The following FSTL4 variants were observed in gnomAD, a reference collection of about 807,000 sequenced individuals.
FSTL4 encodes follistatin like 4.
Under a neutral mutation model 78.2 loss-of-function variants are expected in FSTL4, and 28 were observed. The observed-to-expected ratio is 0.36, with a 90% CI of 0.27 to 0.49. The LOEUF (loss-of-function observed/expected upper bound fraction) is 0.49, where lower values mean the gene tolerates loss of function less well. Among genes scored for constraint, FSTL4 ranks in the 20% least tolerant of loss-of-function variants. The probability of loss-of-function intolerance (pLI) is 0.98; values close to 1 mark genes in which losing one functional copy is unlikely to be tolerated. For synonymous variants in FSTL4, 422 were observed against 440.5 expected (o/e 0.96, Z 0.53); for missense variants, 922 against 1,084.9 (o/e 0.85, Z 2.11).
chr5:133,663,862 T>G, the FSTL4 span, among the ~76,000 whole-genome samples: 1 of 151,814 alleles, frequency 6.6e-6, no homozygotes, highest in Non-Finnish European at 1.5e-5. Context: ...ATCCGGGAGG[T>G]GAGGGGTCTG....
At chr5:133,834,707 A>G in the FSTL4 span, among the ~76,000 whole-genome samples, 1 of 152,188 alleles carries the variant, frequency 6.6e-6, no homozygotes, top group Non-Finnish European at 1.5e-5. Context: ...ATTAAATGGA[A>G]GTAAAAACTA....
At chr5:133,421,546 TGTGCATTCCACGGG>T (rs1297216536) in intron 3 of FSTL4, among the ~76,000 whole-genome samples, 1 of 152,250 alleles carries the variant, frequency 6.6e-6, no homozygotes, top group Admixed American at 6.5e-5. Context: ...GCCCTTGTGG[TGTGCATTCCACGGG>T]GTGGCCATTG....
intron 3 of FSTL4, among the ~76,000 whole-genome samples, chr5:133,424,340 G>A (rs1756760936): frequency 6.6e-6 from 1 of 152,174 alleles, no homozygotes; most frequent in Non-Finnish European, 1.5e-5. Context: ...CATCTCCTGG[G>A]ACCGGCTGAC....
chr5:133,716,032 G>A, the FSTL4 span, among the ~76,000 whole-genome samples: 1 of 152,198 alleles, frequency 6.6e-6, no homozygotes, highest in Non-Finnish European at 1.5e-5. Flanking sequence ...TAGATGTGCA[G>A]CACTGCTAGA....
At chr5:133,405,550 C>T (rs1397009553) in intron 3 of FSTL4, among the ~76,000 whole-genome samples, 3 of 152,216 alleles carry the variant, frequency 2.0e-5, no homozygotes, top group African/African-American at 7.2e-5. Flanking sequence ...TTGGGTTTCT[C>T]AATGACCCAG....
the FSTL4 span, among the ~76,000 whole-genome samples, chr5:133,646,064 A>G: frequency 6.6e-6 from 1 of 152,222 alleles, no homozygotes; most frequent in African/African-American, 2.4e-5. Flanking sequence ...ACCCTCCTAG[A>G]GCATGCAGTC....
At chr5:133,433,128 T>A (rs1349821658) in intron 3 of FSTL4, among the ~76,000 whole-genome samples, 1 of 152,232 alleles carries the variant, frequency 6.6e-6, no homozygotes, top group East Asian at 1.9e-4. Context: ...GCTGTTCTCT[T>A]TTTCAGTGAA....
At chr5:133,520,849 A>T (rs1758965153) in intron 3 of FSTL4, among the ~76,000 whole-genome samples, 1 of 151,600 alleles carries the variant, frequency 6.6e-6, no homozygotes, top group Non-Finnish European at 1.5e-5. Context: ...GATGGGATGG[A>T]GGGGTGGGTC....
the FSTL4 span, among the ~76,000 whole-genome samples, chr5:133,837,558 AG>A: frequency 6.8e-6 from 1 of 147,304 alleles, no homozygotes; most frequent in East Asian, 1.9e-4. Flanking sequence ...TGGCAGTTAG[AG>A]TAGGAAGAGA....
At chr5:133,633,815 G>C in the FSTL4 span, among the ~76,000 whole-genome samples, 1 of 151,818 alleles carries the variant, frequency 6.6e-6, no homozygotes, top group East Asian at 1.9e-4. Flanking sequence ...CTCCCCAGTG[G>C]GTATAGAAGC....
chr5:133,507,427 A>G (rs1351479476), intron 3 of FSTL4, among the ~76,000 whole-genome samples: 1 of 152,024 alleles, frequency 6.6e-6, no homozygotes, highest in African/African-American at 2.4e-5. Context: ...CCATTTCCAG[A>G]GTCTACTGCT....
intron 6 of FSTL4, among the ~76,000 whole-genome samples, chr5:133,257,569 G>A (rs773237918): frequency 9.9e-5 from 15 of 152,088 alleles, no homozygotes; most frequent in Non-Finnish European, 1.9e-4. Flanking sequence ...CGAACAGGAA[G>A]TTAGAGCAGA....
chr5:133,826,385 G>A, the FSTL4 span, among the ~76,000 whole-genome samples: 562 of 152,294 alleles, frequency 3.7e-3, 5 homozygotes, highest in African/African-American at 0.013. Context: ...GGCTTATAAC[G>A]ACAGAAATGA....
At chr5:133,470,807 T>TAAAAAC (rs1334334074) in intron 3 of FSTL4, among the ~76,000 whole-genome samples, 7,220 of 138,872 alleles carry the variant, frequency 0.052, 246 homozygotes, top group Non-Finnish European at 0.062. Flanking sequence ...AAAATAAAAA[T>TAAAAAC]AAATAAATAA....
the FSTL4 span, among the ~76,000 whole-genome samples, chr5:133,639,638 G>T: frequency 6.6e-6 from 1 of 152,252 alleles, no homozygotes; most frequent in South Asian, 2.1e-4. Context: ...TCCTACTCTC[G>T]GGCCATCTGT....
intron 3 of FSTL4, among the ~76,000 whole-genome samples, chr5:133,525,310 T>C (rs903229682): frequency 6.6e-6 from 1 of 152,224 alleles, no homozygotes; most frequent in Non-Finnish European, 1.5e-5. Flanking sequence ...CCCAAGTCCA[T>C]GTCTGGTTAG....
chr5:133,531,167 G>A (rs767225678), intron 3 of FSTL4, among the ~76,000 whole-genome samples: 5 of 152,124 alleles, frequency 3.3e-5, no homozygotes, highest in Non-Finnish European at 5.9e-5. Flanking sequence ...CTCTTCACAC[G>A]GTTTCTTTCA....
chr5:133,378,258 C>T (rs996146782), intron 4 of FSTL4, among the ~76,000 whole-genome samples: 7 of 152,132 alleles, frequency 4.6e-5, no homozygotes, highest in African/African-American at 1.2e-4. Flanking sequence ...TACATTTATT[C>T]TCCTTTCTTG....
At chr5:133,641,351 C>T in the FSTL4 span, among the ~76,000 whole-genome samples, 1 of 152,112 alleles carries the variant, frequency 6.6e-6, no homozygotes, top group Non-Finnish European at 1.5e-5. Context: ...GGGGCCATTC[C>T]ATTTATTCTA....
Sources: allele counts gnomAD v4.1 joint callset (sites outside exome capture counted in the v4.1 genomes callset), GRCh38; gene constraint gnomAD v4.1.1; transcripts MANE v1.5; gene names NCBI Gene and HGNC (gene_info 2026-07-23, HGNC 2026-07-21).